Variants in ENPP3 observed in about 807,000 individuals in gnomAD.
ENPP3 encodes the protein ectonucleotide pyrophosphatase/phosphodiesterase family member 3.
In ENPP3, 104 loss-of-function variants were observed where a neutral mutation model predicts 117.8. That is an observed-to-expected ratio of 0.88 (90% CI 0.75 to 1.04). The LOEUF (loss-of-function observed/expected upper bound fraction) is 1.04. Among genes scored for constraint, ENPP3 ranks in the 50% least tolerant of loss-of-function variants. The pLI, the probability that ENPP3 is intolerant of heterozygous loss-of-function variation, is 0.00. For synonymous variants in ENPP3, 380 were observed against 349.9 expected (o/e 1.09, Z -0.96); for missense variants, 1,026 against 1,051.9 (o/e 0.98, Z 0.34).
At chr6:131,715,512 A>G (rs1457749718) in intron 15 of ENPP3, among the ~76,000 whole-genome samples, 2 of 141,428 alleles carry the variant, frequency 1.4e-5, no homozygotes, top group South Asian at 2.2e-4. Flanking sequence ...ATTGCGGTGT[A>G]GTGGGACCCT....
At position 131,638,739 on chromosome 6, in the gene ENPP3, C is replaced by G. The variant is rs116510654; in HGVS notation, c.78+1277C>G. The stretch of plus-strand genomic sequence containing the variant: ...TGCACCTGGCCTCTAGTGTTTTCCT[C>G]AGCCAAGAATTCCAAGTAATCCACC... On this transcript the variant is annotated intron_variant, in intron 1 of 24. Transcript: ENST00000357639. Among the ~76,000 whole-genome samples the G allele has an allele frequency of 7.3e-3, 1,118 of 152,120 alleles. 15 individuals carry two copies. The highest frequency in any genetic ancestry group is 0.025 in the African/African-American group (1,025 of 41,506).
chr6:131,652,910 G>C lies in ENPP3; in HGVS notation c.464+19G>C. The C allele has an allele frequency of 6.4e-7, 1 of 1,569,344 alleles. No individual in the cohort carries two copies. Among genetic ancestry groups the C allele is most frequent in the African/African-American group, 1.4e-5 (1 of 74,032 alleles). ...CAGAAGGGTGAGCATGACTGATACAGGGATTTTTATCCTCCTTTAACAAAG... is the reference window on the plus strand; with the variant it reads ...CAGAAGGGTGAGCATGACTGATACACGGATTTTTATCCTCCTTTAACAAAG... On this transcript the variant is annotated intron_variant, in intron 5 of 24. Transcript: ENST00000357639.
chr6:131,745,979 G>A (rs1780627824), intron 24 of ENPP3, among the ~76,000 whole-genome samples: 2 of 152,012 alleles, frequency 1.3e-5, no homozygotes, highest in South Asian at 4.2e-4. Context: ...AAATTAGCTG[G>A]GTGTGGCGGC....
At chr6:131,733,533 G>A in intron 20 of ENPP3, 55 bp from the exon 21 acceptor site, 1 of 1,581,518 alleles carries the variant, frequency 6.3e-7, no homozygotes, top group South Asian at 1.1e-5. Flanking sequence ...ACCATATAAG[G>A]CAATGGGTGA....
Position 131,650,133 on chromosome 6 carries a change from C to T in ENPP3, c.261C>T (p.Asp87=). The change falls in exon 3 of 25, where the codon GAC becomes GAT. Residue 87 remains aspartate, a synonymous_variant. Transcript: ENST00000357639. The part of the protein sequence containing the change: ...DRGDCCWDFE[D]TCVESTRIWM... ...GTGATTGCTGCTGGGATTTTGAAGA[C>T]ACCTGTGTGGAATCAAGTATGAGTT... 6.2e-7 allele frequency: 1 copy of T among 1,614,036 alleles called. No homozygotes were observed. Among genetic ancestry groups the T allele is most frequent in the Non-Finnish European group, 8.5e-7 (1 of 1,179,952 alleles).
At chr6:131,699,243 A>G (rs1266309979) in intron 15 of ENPP3, among the ~76,000 whole-genome samples, 10 of 151,796 alleles carry the variant, frequency 6.6e-5, no homozygotes, top group Non-Finnish European at 1.3e-4. Flanking sequence ...CTCAAAAAAA[A>G]AAAAAAAAAA....
chr6:131,693,268 C>T (rs1199344616), intron 14 of ENPP3, among the ~76,000 whole-genome samples: 1 of 151,616 alleles, frequency 6.6e-6, no homozygotes, highest in Non-Finnish European at 1.5e-5. Context: ...CCTCCACCTC[C>T]TGGGTTAAAT....
intron 20 of ENPP3, among the ~76,000 whole-genome samples, chr6:131,733,025 C>A (rs972204436): frequency 6.6e-6 from 1 of 151,990 alleles, no homozygotes; most frequent in Non-Finnish European, 1.5e-5. Flanking sequence ...CTGAGCCCGG[C>A]CTGGCCTAAG....
intron 14 of ENPP3, among the ~76,000 whole-genome samples, chr6:131,687,409 C>T (rs978945254): frequency 5.3e-5 from 8 of 152,118 alleles, no homozygotes; most frequent in Non-Finnish European, 7.4e-5. Flanking sequence ...CTATAAAAAT[C>T]CTGGAAGGCA....
Position 131,746,943 on chromosome 6 carries a change from A to C in ENPP3, c.2615A>C (p.Glu872Ala). ...LQLKTYLPTF[E>A]TTI Reference sequence around the variant, plus strand: ...CTAAAGACATATTTACCAACATTTGAAACCACTATTTAACTTAATAATGTC... The same window carrying C: ...CTAAAGACATATTTACCAACATTTGCAACCACTATTTAACTTAATAATGTC... The change falls in exon 25 of 25, where the codon GAA (glutamate) becomes GCA (alanine). Residue 872 changes from glutamate to alanine, a missense_variant. By Grantham distance (107) the Glu-to-Ala change is moderately radical. Coordinates refer to ENST00000357639, the MANE Select transcript of ENPP3 (RefSeq NM_005021.5). 2 of 1,598,260 alleles carry C rather than the reference A, an allele frequency of 1.3e-6. No individual in the cohort carries two copies. Among genetic ancestry groups the C allele is most frequent in the Non-Finnish European group, 1.7e-6 (2 of 1,168,434 alleles).
chr6:131,641,573 C>T (rs1381048673), intron 2 of ENPP3, 43 bp downstream of exon 2: 1 of 1,242,296 alleles, frequency 8.0e-7, no homozygotes, highest in East Asian at 2.3e-5. Context: ...CTTATTTCTT[C>T]TCTCTTCTGG....
At chr6:131,716,795 C>G (rs1329234521) in intron 15 of ENPP3, among the ~76,000 whole-genome samples, 1 of 54,470 alleles carries the variant, frequency 1.8e-5, no homozygotes, top group Non-Finnish European at 4.0e-5. Flanking sequence ...ATGGCAAAAC[C>G]CTCTCTCCAC....
intron 5 of ENPP3, among the ~76,000 whole-genome samples, chr6:131,653,597 A>T (rs1778311395): frequency 6.6e-6 from 1 of 152,004 alleles, no homozygotes; most frequent in African/African-American, 2.4e-5. Flanking sequence ...CTTTTTTTAA[A>T]TAAAGATAGG....
intron 12 of ENPP3, 39 bp from the exon 13 acceptor site, chr6:131,685,325 A>G: frequency 1.3e-6 from 2 of 1,550,480 alleles, no homozygotes; most frequent in Non-Finnish European, 1.8e-6. Context: ...TGCCATTTAT[A>G]TACATTCAGT....
At chr6:131,653,014 C>T in intron 5 of ENPP3, 123 bp downstream of exon 5, 3 of 593,112 alleles carry the variant, frequency 5.1e-6, no homozygotes. Context: ...CAGAATAGTC[C>T]ACAAAGGATT....
Position 131,654,886 on chromosome 6 carries a change from G to GA in ENPP3, c.464+1997dup, listed in dbSNP as rs372395608. Among the ~76,000 whole-genome samples, 844 of 152,294 alleles carry GA rather than the reference G, an allele frequency of 5.5e-3. 6 individuals are homozygous for GA. Among genetic ancestry groups the GA allele is most frequent in the African/African-American group, 0.017 (715 of 41,552 alleles). ...TTGTGGGTGGAAGAGTAAAGGATTAGAATAAAATGAGAGGAGTTTGAGTCC... is the reference window on the plus strand; with the variant it reads ...TTGTGGGTGGAAGAGTAAAGGATTAGAAATAAAATGAGAGGAGTTTGAGTCC... On this transcript the variant is annotated intron_variant, in intron 5 of 24. Coordinates refer to ENST00000357639, the MANE Select transcript of ENPP3 (RefSeq NM_005021.5).
At chr6:131,689,200 G>A (rs1346055683) in intron 14 of ENPP3, among the ~76,000 whole-genome samples, 1 of 152,158 alleles carries the variant, frequency 6.6e-6, no homozygotes, top group Admixed American at 6.5e-5. Flanking sequence ...TGATGAAAAT[G>A]GCCACACTAA....
chr6:131,646,274 C>CTG (rs34014584), intron 2 of ENPP3, among the ~76,000 whole-genome samples: 19,655 of 145,464 alleles, frequency 0.14, 1,311 homozygotes, highest in Middle Eastern at 0.16. Context: ...TCTCAATACT[C>CTG]TGTGTGTGTG....
At chr6:131,697,308 A>G (rs1779428935) in intron 15 of ENPP3, among the ~76,000 whole-genome samples, 1 of 150,834 alleles carries the variant, frequency 6.6e-6, no homozygotes, top group South Asian at 2.1e-4. Flanking sequence ...GAATATAGGG[A>G]TATTTGCTTT....
Sources: gnomAD v4.1 joint callset for allele counts (sites outside exome capture counted in the v4.1 genomes callset) on GRCh38, gnomAD v4.1.1 for gene constraint, MANE v1.5 for transcripts, NCBI Gene and HGNC (gene_info 2026-07-23, HGNC 2026-07-21) for gene names.